Variants in CRIM1 observed in about 807,000 individuals in gnomAD.
The protein encoded by CRIM1 is cysteine rich transmembrane BMP regulator 1.
A neutral mutation model predicts 116.4 loss-of-function variants in CRIM1; 32 were observed. That is an observed-to-expected ratio of 0.27 (90% CI 0.21 to 0.37). CRIM1 has a LOEUF of 0.37. Among genes scored for constraint, CRIM1 ranks in the 10% least tolerant of loss-of-function variants. The probability of loss-of-function intolerance (pLI) is 1.00; values close to 1 mark genes in which losing one functional copy is unlikely to be tolerated. For missense variants in CRIM1, 1,331 were observed against 1,354.8 expected (o/e 0.98, Z 0.28); for synonymous variants, 590 against 509.2 (o/e 1.16, Z -2.13).
In CRIM1 at chr2:36,435,810, A is replaced by G. The variant is rs556870772; in HGVS notation, c.506-5448A>G. On this transcript the variant is annotated intron_variant, in intron 2 of 16. Transcript: ENST00000280527. Reference sequence around the variant, plus strand: ...CATTTTATATTGGGTGAGCCTGTCAATATTTTAATACTAACTTCTTAAAGA... The same window carrying G: ...CATTTTATATTGGGTGAGCCTGTCAGTATTTTAATACTAACTTCTTAAAGA... Among the ~76,000 whole-genome samples the G allele has an allele frequency of 4.1e-4, 63 of 152,244 alleles. No homozygotes were observed. The South Asian group carries it at 9.5e-3, about 23-fold the overall frequency.
intron 7 of CRIM1, among the ~76,000 whole-genome samples, chr2:36,486,152 G>C (rs1374903925): frequency 6.6e-6 from 1 of 152,094 alleles, no homozygotes; most frequent in African/African-American, 2.4e-5. Context: ...CTCACATCCA[G>C]CCTTAATATA....
intron 1 of CRIM1, among the ~76,000 whole-genome samples, chr2:36,360,727 A>G (rs2888338): frequency 0.72 from 109,797 of 151,992 alleles, 39,951 homozygotes; most frequent in East Asian, 0.92. Flanking sequence ...CAAACATTTC[A>G]TTCTGCACAA....
At chr2:36,451,456 A>G (rs962554220) in intron 4 of CRIM1, among the ~76,000 whole-genome samples, 11 of 152,232 alleles carry the variant, frequency 7.2e-5, no homozygotes, top group African/African-American at 1.7e-4. Flanking sequence ...GCACATATAC[A>G]TATGGAACAA....
intron 2 of CRIM1, among the ~76,000 whole-genome samples, chr2:36,427,857 C>T (rs1674578939): frequency 6.6e-6 from 1 of 152,216 alleles, no homozygotes; most frequent in African/African-American, 2.4e-5. Context: ...CCCATTTGTT[C>T]ACTGTGTCTC....
intron 8 of CRIM1, among the ~76,000 whole-genome samples, chr2:36,503,994 C>A (rs942261143): frequency 2.6e-5 from 4 of 152,038 alleles, no homozygotes; most frequent in Non-Finnish European, 5.9e-5. Flanking sequence ...CCTGAGCCTC[C>A]CAAGTAACTG....
chr2:36,456,249 C>T (rs535451510), intron 4 of CRIM1, among the ~76,000 whole-genome samples: 5 of 152,306 alleles, frequency 3.3e-5, no homozygotes, highest in South Asian at 4.2e-4. Context: ...AGGGCCAGAA[C>T]CCTGTGTATC....
intron 1 of CRIM1, among the ~76,000 whole-genome samples, chr2:36,367,386 C>T (rs1480101692): frequency 6.6e-6 from 1 of 152,156 alleles, no homozygotes; most frequent in Non-Finnish European, 1.5e-5. Context: ...TATGTGATAA[C>T]ATGATAAAGG....
intron 2 of CRIM1, among the ~76,000 whole-genome samples, chr2:36,416,023 C>T (rs1673592528): frequency 6.6e-6 from 1 of 152,168 alleles, no homozygotes; most frequent in African/African-American, 2.4e-5. Flanking sequence ...GCCAGGGCAA[C>T]ATGGTGAAAC....
intron 15 of CRIM1, among the ~76,000 whole-genome samples, chr2:36,544,920 G>A (rs1667212725): frequency 6.6e-6 from 1 of 152,080 alleles, no homozygotes; most frequent in Non-Finnish European, 1.5e-5. Flanking sequence ...CTCTACTTCT[G>A]GGCAGTTTTC....
Position 36,537,535 on chromosome 2 carries a change from C to A in CRIM1, c.2612C>A (p.Pro871Gln), listed in dbSNP as rs764300631. The A allele has an allele frequency of 1.2e-6, 2 of 1,610,218 alleles. No homozygotes were observed. Among genetic ancestry groups the A allele is most frequent in the Non-Finnish European group, 1.7e-6 (2 of 1,178,364 alleles). ...ATCAACGTGGAAGGAAGTTGCTGCCCAATGTGTCCAGGTATCTAAGCCACC... is the reference window on the plus strand; with the variant it reads ...ATCAACGTGGAAGGAAGTTGCTGCCAAATGTGTCCAGGTATCTAAGCCACC... The part of the protein sequence containing the change: ...EPINVEGSCC[P>Q]MCPEMYVPEP... The change falls in exon 14 of 17, where the codon CCA becomes CAA. Residue 871 changes from proline (P) to glutamine (Q), a missense_variant. Physicochemically the swap from Pro to Gln is moderately conservative, Grantham distance 76. Transcript: ENST00000280527.
At chr2:36,435,330 CTG>C (rs111252647) in intron 2 of CRIM1, among the ~76,000 whole-genome samples, 22 of 149,834 alleles carry the variant, frequency 1.5e-4, no homozygotes, top group Admixed American at 6.0e-4. Flanking sequence ...GTGTATCTCA[CTG>C]TGTGTGTGTG....
chr2:36,510,362 C>T (rs758876352), intron 9 of CRIM1, among the ~76,000 whole-genome samples: 1 of 152,136 alleles, frequency 6.6e-6, no homozygotes, highest in Non-Finnish European at 1.5e-5. Context: ...GGGCCAGACA[C>T]ACCCTTTGTG....
At chr2:36,532,223 G>C (rs963074755) in intron 13 of CRIM1, among the ~76,000 whole-genome samples, 7 of 152,176 alleles carry the variant, frequency 4.6e-5, no homozygotes, top group African/African-American at 1.7e-4. Context: ...CAGTACCATT[G>C]GAAGAGTTTA....
intron 1 of CRIM1, among the ~76,000 whole-genome samples, chr2:36,375,912 A>G (rs1230533909): frequency 6.6e-6 from 1 of 152,242 alleles, no homozygotes; most frequent in Non-Finnish European, 1.5e-5. Flanking sequence ...AGCATGTAAA[A>G]TAAACATTTT....
chr2:36,358,854 T>C (rs1669032803), intron 1 of CRIM1, among the ~76,000 whole-genome samples: 1 of 152,180 alleles, frequency 6.6e-6, no homozygotes, highest in African/African-American at 2.4e-5. Context: ...TGGCATGATA[T>C]AATGGTTGGA....
intron 13 of CRIM1, among the ~76,000 whole-genome samples, 179 bp downstream of exon 13, chr2:36,522,492 A>G (rs1665460394): frequency 6.6e-6 from 1 of 152,160 alleles, no homozygotes; most frequent in South Asian, 2.1e-4. Context: ...TACTCCCAAG[A>G]GGAGGTGCTG....
chr2:36,360,517 A>G (rs1259092958), intron 1 of CRIM1, among the ~76,000 whole-genome samples: 1 of 152,064 alleles, frequency 6.6e-6, no homozygotes, highest in Non-Finnish European at 1.5e-5. Flanking sequence ...CCCATTTTTC[A>G]TTGGGCAGTG....
intron 13 of CRIM1, among the ~76,000 whole-genome samples, chr2:36,532,885 C>T: frequency 6.6e-6 from 1 of 152,182 alleles, no homozygotes; most frequent in East Asian, 1.9e-4. Context: ...AGTGGGCATT[C>T]AGTAAGTGGA....
intron 7 of CRIM1, among the ~76,000 whole-genome samples, chr2:36,496,176 C>G (rs771585423): frequency 7.9e-5 from 12 of 152,106 alleles, no homozygotes; most frequent in Non-Finnish European, 1.5e-4. Flanking sequence ...CAGTTTGTGT[C>G]TGAGTAGGAA....
Sources: allele counts gnomAD v4.1 joint callset (sites outside exome capture counted in the v4.1 genomes callset), GRCh38; gene constraint gnomAD v4.1.1; transcripts MANE v1.5; gene names NCBI Gene and HGNC (gene_info 2026-07-23, HGNC 2026-07-21).